Variants in ANKRD36B observed in about 807,000 individuals in gnomAD.
ANKRD36B encodes ankyrin repeat domain 36B, also known as ankyrin repeat domain-containing protein 36B.
Under a neutral mutation model 135.7 loss-of-function variants are expected in ANKRD36B, and 37 were observed. The ratio of observed to expected loss-of-function variants is 0.27; its 90% confidence interval spans 0.21 to 0.36. ANKRD36B has a LOEUF of 0.36. Ranked by LOEUF, ANKRD36B falls within the 10% of genes least tolerant of loss-of-function variation. The probability of loss-of-function intolerance (pLI) is 1.00; values close to 1 mark genes in which losing one functional copy is unlikely to be tolerated. For synonymous variants in ANKRD36B, 179 were observed against 348.1 expected, an observed-to-expected ratio of 0.51 and a Z score of 5.41; for missense variants, 549 against 1,037.1, an observed-to-expected ratio of 0.53 and a Z score of 6.46.
rs2080373278 is a variant in ANKRD36B at position 97,554,925 on chromosome 2, T to C, written c.1171+135A>G. On this transcript the variant is annotated intron_variant, in intron 14 of 43. Transcript: ENST00000359901. ...AGCATCAGCATCACCCGAGAACTTA[T>C]TACAGATGAAGAATCTCTGGCCTGC... 5.9e-6 allele frequency: 7 copies of C among 1,182,852 alleles called. No individual in the cohort carries two copies. The Admixed American group carries it at 6.2e-5, about 10-fold the overall frequency. The allele number at this position is 1,182,852 out of a possible 1,614,324, so 73.3% of individuals were successfully genotyped here.
At chr2:97,538,825 C>T (rs6727416) in intron 30 of ANKRD36B, among the ~76,000 whole-genome samples, 2,079 of 96,744 alleles carry the variant, frequency 0.021, 604 homozygotes, top group African/African-American at 0.059. Flanking sequence ...AGCAGGTACA[C>T]AATGACAATG....
intron 20 of ANKRD36B, 146 bp from the exon 21 acceptor site, chr2:97,547,877 A>T: frequency 8.0e-7 from 1 of 1,246,572 alleles, no homozygotes; most frequent in Non-Finnish European, 1.1e-6. Context: ...TGGGGACTAG[A>T]ACATGACAGA....
chr2:97,542,251 G>A (rs2079179891), intron 26 of ANKRD36B, 144 bp from the exon 27 acceptor site: 1 of 318,982 alleles, frequency 3.1e-6, no homozygotes, highest in African/African-American at 2.7e-5. Context: ...TTTTGGGATG[G>A]GAACATGACA....
Position 97,556,968 on chromosome 2 carries a change from T to C in ANKRD36B, c.1038A>G (p.Thr346=), listed in dbSNP as rs373353458. Residue 346 remains threonine (T), a synonymous_variant, in exon 12 of 44, where the codon ACA becomes ACG. Transcript: ENST00000359901. The part of the protein sequence containing the change: ...KKKVSLLNIA[T]RIMGGGKSGT... ...CAGATTTCCCACCGCCCATTATTCT[T>C]GTGGCAATATTCAAAAGAGAAACTT... 482 of 1,589,458 alleles carry C rather than the reference T, an allele frequency of 3.0e-4. No individual in the cohort carries two copies. The Middle Eastern group carries it at 4.1e-3, about 13-fold the overall frequency.
At chr2:97,548,258 AC>A (rs1559157236) in intron 20 of ANKRD36B, among the ~76,000 whole-genome samples, 1 of 151,834 alleles carries the variant, frequency 6.6e-6, no homozygotes, top group Non-Finnish European at 1.5e-5. Flanking sequence ...TGAATTGATC[AC>A]CTTGGACACC....
rs370074123 is a variant in ANKRD36B at position 97,531,176 on chromosome 2, C to T, written c.2265+1135G>A. ...CAACCCAAATGTCCAACAATGATAG[C>T]CTGGATTAAGAAAATGTGGCACATA... On this transcript the variant is annotated intron_variant, in intron 35 of 43. Transcript: ENST00000359901. 1.2e-4 allele frequency among the ~76,000 whole-genome samples: 11 copies of T among 88,458 alleles called. 3 individuals are homozygous for T. The highest frequency in any genetic ancestry group is 3.7e-4 in the African/African-American group (11 of 29,734). 58.0% of individuals were successfully genotyped at this position (88,458 alleles called of 152,430 possible). A position where few individuals can be genotyped will look rare whatever the true frequency, so the allele number is the denominator to read the frequency against.
intron 3 of ANKRD36B, among the ~76,000 whole-genome samples, 174 bp downstream of exon 3, chr2:97,584,770 C>T (rs1405186069): frequency 7.2e-6 from 1 of 137,968 alleles, no homozygotes. Context: ...CCCTATAATG[C>T]TTCTTTAAAA....
rs1236222397 is a variant in ANKRD36B, at chr2:97,547,543, A to G, written c.1572T>C (p.Thr524=). The G allele has an allele frequency of 3.9e-6, 6 of 1,542,708 alleles. No homozygotes were observed. Among genetic ancestry groups the G allele is most frequent in the Non-Finnish European group, 5.3e-6 (6 of 1,128,962 alleles). Residue 524 remains threonine, a synonymous_variant, in exon 22 of 44, where the codon ACT becomes ACC. Transcript: ENST00000359901. The part of the protein sequence containing the change: ...IARGKKDGEK[T]RRVSSHKQPS... ...ATCTCTTTTCAAAATTACCTCTCCT[A>G]GTTTTTTCTCCATCTTTTTTTCCTC...
At chr2:97,576,349 T>A in intron 6 of ANKRD36B, 30 bp downstream of exon 6, 1 of 1,044,740 alleles carries the variant, frequency 9.6e-7, no homozygotes, top group Non-Finnish European at 1.4e-6. Flanking sequence ...GGTAGTACCA[T>A]CAAGAGTAAT....
chr2:97,559,946 A>C (rs1228739367), intron 8 of ANKRD36B, among the ~76,000 whole-genome samples: 2 of 151,900 alleles, frequency 1.3e-5, no homozygotes, highest in Admixed American at 1.3e-4. Flanking sequence ...AGTTTATCTC[A>C]TTTTTATAAG....
intron 6 of ANKRD36B, among the ~76,000 whole-genome samples, chr2:97,564,199 G>A (rs1400562465): frequency 6.6e-6 from 1 of 151,836 alleles, no homozygotes; most frequent in African/African-American, 2.4e-5. Flanking sequence ...TTGGTTACAT[G>A]TCGTCAATAA....
chr2:97,560,617 T>A, intron 8 of ANKRD36B, 48 bp downstream of exon 8: 3 of 1,594,592 alleles, frequency 1.9e-6, no homozygotes, highest in Non-Finnish European at 2.6e-6. Context: ...AGGGAATTTC[T>A]CTTCTATCTT....
At chr2:97,535,593 AAT>A (rs1346981599) in intron 34 of ANKRD36B, among the ~76,000 whole-genome samples, 3 of 110,254 alleles carry the variant, frequency 2.7e-5, no homozygotes, top group Admixed American at 8.6e-5. Flanking sequence ...GTTAAAACAA[AAT>A]ATGTTACAAA....
At chr2:97,588,569 T>C (rs1034966610) in intron 1 of ANKRD36B, among the ~76,000 whole-genome samples, 1 of 152,034 alleles carries the variant, frequency 6.6e-6, no homozygotes, top group African/African-American at 2.4e-5. Context: ...GTCACAATAG[T>C]AAAAGACAGC....
intron 32 of ANKRD36B, among the ~76,000 whole-genome samples, chr2:97,537,694 C>A (rs1202833120): frequency 7.3e-5 from 7 of 96,358 alleles, no homozygotes; most frequent in African/African-American, 2.2e-4. Flanking sequence ...TCTTGCCTTG[C>A]AATCCCTCTC....
intron 14 of ANKRD36B, among the ~76,000 whole-genome samples, chr2:97,554,280 C>T (rs2922577): frequency 2.6e-5 from 4 of 151,854 alleles, no homozygotes; most frequent in Non-Finnish European, 5.9e-5. Flanking sequence ...CATTAAATAG[C>T]TATTTTATCC....
At chr2:97,586,943 G>A (rs59330394) in intron 1 of ANKRD36B, among the ~76,000 whole-genome samples, 72,620 of 151,528 alleles carry the variant, frequency 0.48, 20,915 homozygotes, top group Non-Finnish European at 0.66. Context: ...GGAGGCCGAG[G>A]CGGGGGGATC....
chr2:97,554,145 T>C (rs1328175265), intron 14 of ANKRD36B, among the ~76,000 whole-genome samples: 1 of 151,914 alleles, frequency 6.6e-6, no homozygotes, highest in Non-Finnish European at 1.5e-5. Flanking sequence ...TAAGCTTTTA[T>C]ATTTGGAAAT....
chr2:97,557,044 A>G, intron 11 of ANKRD36B, 35 bp from the exon 12 acceptor site: 38 of 1,547,998 alleles, frequency 2.5e-5, no homozygotes, highest in Non-Finnish European at 3.3e-5. Context: ...GTCAATACAT[A>G]ATATATATTT....
Sources: gnomAD v4.1 joint callset for allele counts (sites outside exome capture counted in the v4.1 genomes callset) on GRCh38, gnomAD v4.1.1 for gene constraint, MANE v1.5 for transcripts, NCBI Gene and HGNC (gene_info 2026-07-23, HGNC 2026-07-21) for gene names.